Variants in THSD7A observed in about 807,000 individuals in gnomAD.
THSD7A encodes the protein thrombospondin type-1 domain-containing protein 7A.
THSD7A carries 96 observed loss-of-function variants against 231.3 expected under a neutral mutation model. The ratio of observed to expected loss-of-function variants is 0.41; its 90% CI spans 0.35 to 0.49. The LOEUF (loss-of-function observed/expected upper bound fraction) is 0.49. Among genes scored for constraint, THSD7A ranks in the 20% least tolerant of loss-of-function variants. THSD7A has a pLI of 0.05. For missense variants in THSD7A, 2,290 were observed against 2,070.2 expected (o/e 1.11, Z -2.06); for synonymous variants, 940 against 743.3 (o/e 1.26, Z -4.30).
In THSD7A at chr7:11,621,312, C is replaced by G. The variant is rs143901655; in HGVS notation, c.1022+14818G>C. Among the ~76,000 whole-genome samples, 447 of 152,218 alleles carry G rather than the reference C, an allele frequency of 2.9e-3. 2 individuals carry two copies. The highest frequency in any genetic ancestry group is 0.01 in the African/African-American group (419 of 41,536). On this transcript the variant is annotated intron_variant, in intron 2 of 27. Coordinates refer to ENST00000423059, the MANE Select transcript of THSD7A (RefSeq NM_015204.3). Reference sequence around the variant, plus strand: ...CGTTTCCAAATCATGACACTGTATCCCAGTCACGACATATCATCAGTTTAA... The same window carrying G: ...CGTTTCCAAATCATGACACTGTATCGCAGTCACGACATATCATCAGTTTAA...
chr7:11,718,561 T>C (rs1275167412), intron 1 of THSD7A, among the ~76,000 whole-genome samples: 1 of 151,692 alleles, frequency 6.6e-6, no homozygotes. Flanking sequence ...CAGTGTACAA[T>C]TGTCATAATT....
In THSD7A at chr7:11,387,262, A is replaced by C. The variant is rs199666323; in HGVS notation, c.4412-4646T>G. Among the ~76,000 whole-genome samples the C allele has an allele frequency of 1.4e-3, 218 of 152,110 alleles. 1 individual carries two copies. The highest frequency in any genetic ancestry group is 2.7e-3 in the Admixed American group (41 of 15,268). On this transcript the variant is annotated intron_variant, in intron 23 of 27. Coordinates refer to ENST00000423059, the MANE Select transcript of THSD7A (RefSeq NM_015204.3). ...AATTCTGTGAAGAAAGTCAATGGTA[A>C]CTTGATGGGGATAGCACTGAATCTG...
At chr7:11,483,261 A>G (rs1200906667) in intron 6 of THSD7A, among the ~76,000 whole-genome samples, 1 of 152,162 alleles carries the variant, frequency 6.6e-6, no homozygotes, top group African/African-American at 2.4e-5. Context: ...ATCAGAGTAA[A>G]TTGCAAATGC....
intron 11 of THSD7A, 142 bp downstream of exon 11, chr7:11,460,520 T>C: frequency 3.7e-6 from 2 of 545,466 alleles, no homozygotes; most frequent in South Asian, 2.7e-5. Flanking sequence ...TTCTATGTCC[T>C]GATGTTTTGT....
intron 4 of THSD7A, among the ~76,000 whole-genome samples, chr7:11,579,566 G>A (rs937319757): frequency 6.6e-6 from 1 of 152,134 alleles, no homozygotes; most frequent in African/African-American, 2.4e-5. Context: ...TTAATGGAAG[G>A]TCTGTATTAA....
chr7:11,556,669 T>C (rs23), intron 4 of THSD7A, among the ~76,000 whole-genome samples: 72,529 of 151,592 alleles, frequency 0.48, 17,689 homozygotes, highest in Admixed American at 0.6. Flanking sequence ...TGGTAACAAC[T>C]TCTCTTAGTT....
chr7:11,720,284 C>T (rs1212028152), intron 1 of THSD7A, among the ~76,000 whole-genome samples: 1 of 151,720 alleles, frequency 6.6e-6, no homozygotes, highest in East Asian at 2.0e-4. Context: ...TCTCACAACA[C>T]AAAAAGTAAA....
intron 6 of THSD7A, among the ~76,000 whole-genome samples, chr7:11,538,685 G>C (rs150162678): frequency 6.6e-6 from 1 of 152,262 alleles, no homozygotes; most frequent in Admixed American, 6.5e-5. Flanking sequence ...ACAGTGAAAT[G>C]TTTATCTCTT....
chr7:11,679,862 A>T (rs977542246), intron 1 of THSD7A, among the ~76,000 whole-genome samples: 3 of 152,196 alleles, frequency 2.0e-5, no homozygotes, highest in African/African-American at 7.2e-5. Flanking sequence ...TTTCATATGG[A>T]ACCAAAAAAG....
chr7:11,554,482 C>A (rs752438945), intron 4 of THSD7A, among the ~76,000 whole-genome samples: 13 of 152,052 alleles, frequency 8.5e-5, no homozygotes, highest in Non-Finnish European at 1.8e-4. Context: ...ATGTTCTTCT[C>A]TATTCCTATT....
chr7:11,456,494 T>A (rs1785313070), intron 11 of THSD7A, among the ~76,000 whole-genome samples: 1 of 152,064 alleles, frequency 6.6e-6, no homozygotes, highest in South Asian at 2.1e-4. Flanking sequence ...GAATTGAATT[T>A]GTATACATCT....
At position 11,479,534 on chromosome 7, in the gene THSD7A, T is replaced by C. The variant is rs375676689; in HGVS notation, c.2017+2254A>G. Among the ~76,000 whole-genome samples the C allele has an allele frequency of 3.3e-5, 5 of 152,318 alleles. No homozygotes were observed. The East Asian group carries it at 9.6e-4, about 29-fold the overall frequency. On this transcript the variant is annotated intron_variant, in intron 7 of 27. Coordinates refer to ENST00000423059, the MANE Select transcript of THSD7A (RefSeq NM_015204.3). ...TGAAGAATAATGGAAAGACTGACTT[T>C]TGTGTAGAATTACAAAGGATTATCT...
intron 6 of THSD7A, among the ~76,000 whole-genome samples, chr7:11,522,718 T>C (rs1325680854): frequency 1.3e-5 from 2 of 152,212 alleles, no homozygotes; most frequent in East Asian, 3.8e-4. Context: ...ATAGCTCTTT[T>C]AAAATTCCTA....
intron 1 of THSD7A, among the ~76,000 whole-genome samples, chr7:11,662,224 T>C (rs1256841685): frequency 1.3e-5 from 2 of 151,224 alleles, no homozygotes; most frequent in Non-Finnish European, 3.0e-5. Flanking sequence ...ATATTGCTTA[T>C]AAGAATAAAG....
intron 1 of THSD7A, among the ~76,000 whole-genome samples, chr7:11,788,551 C>A (rs549154995): frequency 1.2e-4 from 19 of 152,014 alleles, no homozygotes; most frequent in African/African-American, 4.6e-4. Context: ...TATTCAGGAC[C>A]GAGAGTATCT....
intron 1 of THSD7A, among the ~76,000 whole-genome samples, chr7:11,758,038 T>TAA (rs1554274394): frequency 6.9e-6 from 1 of 144,646 alleles, no homozygotes; most frequent in Non-Finnish European, 1.5e-5. Context: ...TATATATATA[T>TAA]AATGTTTCAC....
intron 1 of THSD7A, among the ~76,000 whole-genome samples, chr7:11,683,616 A>C (rs1251913564): frequency 6.6e-6 from 1 of 152,064 alleles, no homozygotes; most frequent in Admixed American, 6.6e-5. Context: ...CAAGCTAGAA[A>C]ATCTAGAAGA....
chr7:11,518,961 T>A (rs532698466), intron 6 of THSD7A, among the ~76,000 whole-genome samples: 2 of 152,328 alleles, frequency 1.3e-5, no homozygotes, highest in Non-Finnish European at 2.9e-5. Context: ...TTTACCAAAT[T>A]TGAATATGAA....
intron 13 of THSD7A, among the ~76,000 whole-genome samples, chr7:11,430,027 C>G (rs375388767): frequency 6.6e-6 from 1 of 152,184 alleles, no homozygotes; most frequent in African/African-American, 2.4e-5. Context: ...CAAAATTCCT[C>G]TAGTCAAGAA....
Sources: gnomAD v4.1 joint callset for allele counts (sites outside exome capture counted in the v4.1 genomes callset) on GRCh38, gnomAD v4.1.1 for gene constraint, MANE v1.5 for transcripts, NCBI Gene and HGNC (gene_info 2026-07-23, HGNC 2026-07-21) for gene names.